The following ZNF8 variants were observed in gnomAD, a reference collection of about 807,000 sequenced individuals.
ZNF8 encodes zinc finger protein 8.
A neutral mutation model predicts 12.2 loss-of-function variants in ZNF8; 9 were observed. That is an observed-to-expected ratio of 0.73 (90% confidence interval 0.44 to 1.28). The LOEUF (loss-of-function observed/expected upper bound fraction) is 1.28, where lower values mean the gene tolerates loss of function less well. ZNF8 is among the 50% of genes most tolerant of loss of function. The pLI, the probability that ZNF8 is intolerant of heterozygous loss-of-function variation, is 0.00. For missense variants in ZNF8, 664 were observed against 729.1 expected (o/e 0.91, Z 1.03); for synonymous variants, 274 against 282.3 (o/e 0.97, Z 0.30).
At position 58,294,983 on chromosome 19, in the gene ZNF8, C is replaced by T. The variant is rs2051443944; in HGVS notation, c.1175C>T (p.Thr392Ile). The change falls in exon 4 of 4, where the codon ACC becomes ATC. Residue 392 changes from threonine (T) to isoleucine (I), a missense_variant. Transcript: ENST00000621650. The surrounding 1 kb of genome is among the most constrained non-coding windows in gnomAD (Gnocchi z 5.5). ...TCLFLHLRTH[T>I]EERPYECNHC... ...CTTTTCCTGCACCTGAGAACTCACA[C>T]CGAGGAGAGGCCCTACGAGTGTAAC... 1.2e-6 allele frequency: 2 copies of T among 1,614,098 alleles called. No individual in the cohort carries two copies. The highest frequency in any genetic ancestry group is 1.7e-6 in the Non-Finnish European group (2 of 1,179,964).
intron 3 of ZNF8, among the ~76,000 whole-genome samples, chr19:58,291,217 ACCT>A (rs374966895): frequency 2.4e-4 from 36 of 151,940 alleles, no homozygotes; most frequent in East Asian, 2.1e-3. Flanking sequence ...GCTGCAGGTC[ACCT>A]CCTGGCTGAC....
In ZNF8 at chr19:58,295,174, C is replaced by A. The variant is rs1002291571; in HGVS notation, c.1366C>A (p.Gln456Lys). 2 of 1,613,924 alleles carry A rather than the reference C, an allele frequency of 1.2e-6. No individual in the cohort carries two copies. Among genetic ancestry groups the A allele is most frequent in the African/African-American group, 2.7e-5 (2 of 74,930 alleles). The change falls in exon 4 of 4, where the codon CAA (glutamine) becomes AAA (lysine). Residue 456 changes from glutamine (Q) to lysine (K), a missense_variant. Transcript: ENST00000621650. Reference protein sequence around the residue: ...EALGCDPPLSQDERTHRSDRP... With the variant: ...EALGCDPPLSKDERTHRSDRP... ...CCTGGGCTGTGACCCACCTTTGAGT[C>A]AAGATGAGAGGACTCACCGAAGCGA...
chr19:58,283,114 A>T (rs2051360962), intron 1 of ZNF8, among the ~76,000 whole-genome samples: 1 of 151,460 alleles, frequency 6.6e-6, no homozygotes, highest in South Asian at 2.1e-4. Flanking sequence ...AGTAGCTGGG[A>T]CTACAGGCAG....
At chr19:58,285,020 A>T (rs2051374143) in intron 1 of ZNF8, among the ~76,000 whole-genome samples, 1 of 152,096 alleles carries the variant, frequency 6.6e-6, no homozygotes, top group African/African-American at 2.4e-5. Flanking sequence ...CCCACCACTC[A>T]TAGGTAAGTG....
In ZNF8 at chr19:58,294,862, C is replaced by A; in HGVS notation, c.1054C>A (p.Gln352Lys). Residue 352 changes from glutamine to lysine, a missense_variant, in exon 4 of 4, where the codon CAG becomes AAG. By Grantham distance (53) the Gln-to-Lys change is moderately conservative. This residue lies in a region of ZNF8 where 133 missense variants were observed against 198.4 expected (regional missense o/e 0.67). Coordinates refer to ENST00000621650, the MANE Select transcript of ZNF8 (RefSeq NM_021089.3). This position sits in a 1 kb window ranked among gnomAD's most constrained non-coding sequence, Gnocchi z 5.5. ...ECQDCGRAFN[Q>K]NSSLGRHKRT... is the part of the protein sequence containing the mutation. ...TCAGGACTGTGGGAGGGCCTTCAAC[C>A]AGAACTCCTCCCTGGGGCGGCACAA... The A allele has an allele frequency of 6.2e-7, 1 of 1,614,112 alleles. No individual in the cohort carries two copies. Among genetic ancestry groups the A allele is most frequent in the Non-Finnish European group, 8.5e-7 (1 of 1,180,032 alleles).
chr19:58,291,373 CCTCAGTG>C (rs2051418634), intron 3 of ZNF8, among the ~76,000 whole-genome samples: 1 of 152,220 alleles, frequency 6.6e-6, no homozygotes. Context: ...CCTGTCTCAA[CCTCAGTG>C]CTCTTTGCTG....
intron 1 of ZNF8, 36 bp downstream of exon 1, chr19:58,279,183 CG>C: frequency 6.5e-7 from 1 of 1,544,362 alleles, no homozygotes; most frequent in Non-Finnish European, 8.7e-7. Context: ...CGGCGGGCTC[CG>C]GGCAAGCGTC....
At position 58,299,404 on chromosome 19, in the gene ZNF8, G is replaced by A. The variant is rs143314212; in HGVS notation, c.*3868G>A. The A allele has an allele frequency of 0.032, 4,745 of 148,806 alleles. 216 individuals are homozygous for A. Among genetic ancestry groups the A allele is most frequent in the East Asian group, 0.27 (1,292 of 4,726 alleles). 9.2% of individuals were successfully genotyped at this position (148,806 alleles called of 1,614,324 possible). A position where few individuals can be genotyped will look rare whatever the true frequency, so the allele number is the denominator to read the frequency against. On this transcript the variant is annotated 3_prime_UTR_variant, in exon 4 of 4. Coordinates refer to ENST00000621650, the MANE Select transcript of ZNF8 (RefSeq NM_021089.3). ...TGGGGTTACAGGAGTGAGCCACCGC[G>A]CCTGGCCCCAAAACAGCAATTTGAA...
At position 58,301,429 on chromosome 19, in the gene ZNF8, T is replaced by A. The variant is rs572666790; in HGVS notation, c.*5893T>A. 1 of 152,284 alleles carries A rather than the reference T, an allele frequency of 6.6e-6. No homozygotes were observed. The highest frequency in any genetic ancestry group is 2.1e-4 in the South Asian group (1 of 4,822). 9.4% of individuals were successfully genotyped at this position (152,284 alleles called of 1,614,324 possible). On this transcript the variant is annotated 3_prime_UTR_variant, in exon 4 of 4. Transcript: ENST00000621650. ...GTGCTACCAAGTGGCCCAGCCAGAG[T>A]GTGAACCAAACAGTCTGGTACCAAA...
In ZNF8 at chr19:58,295,467, G is replaced by C; in HGVS notation, c.1659G>C (p.Val553=). ...AAATCATGCAAGAGAAAAACCCTGT[G>C]CACGTTATTGGGGTGGAAGAGCCTT... ...IQKIMQEKNP[V]HVIGVEEPSV... is the part of the protein sequence containing the mutation. The change falls in exon 4 of 4, where the codon GTG becomes GTC. Residue 553 remains valine (V), a synonymous_variant. Transcript: ENST00000621650. 1 of 1,613,476 alleles carries C rather than the reference G, an allele frequency of 6.2e-7. No homozygotes were observed. The highest frequency in any genetic ancestry group is 8.5e-7 in the Non-Finnish European group (1 of 1,179,988).
chr19:58,284,580 G>A (rs564336414), intron 1 of ZNF8, among the ~76,000 whole-genome samples: 8 of 152,220 alleles, frequency 5.3e-5, no homozygotes, highest in South Asian at 4.1e-4. Flanking sequence ...CAGGCGCGGC[G>A]GCTCCCGCCT....
chr19:58,286,354 G>A lies in ZNF8; in HGVS notation c.289+149G>A, dbSNP rs2051383571. 3 of 630,104 alleles carry A rather than the reference G, an allele frequency of 4.8e-6. No homozygotes were observed. In the African/African-American group the frequency reaches 5.5e-5, roughly 12 times the overall value. The allele number at this position is 630,104 out of a possible 1,614,324, so 39.0% of individuals were successfully genotyped here. ...GACTCAGCATAGAGTCATGCTGACA[G>A]CTCTCAGTATAATGAGACCAACAAA... is the stretch of plus-strand genomic sequence containing the variant. On this transcript the variant is annotated intron_variant, in intron 3 of 3. Transcript: ENST00000621650.
At chr19:58,282,568 G>A (rs980882387) in intron 1 of ZNF8, among the ~76,000 whole-genome samples, 2 of 152,106 alleles carry the variant, frequency 1.3e-5, no homozygotes, top group African/African-American at 4.8e-5. Context: ...AGGTTACAAA[G>A]ATTTATCTCT....
intron 3 of ZNF8, among the ~76,000 whole-genome samples, chr19:58,288,781 C>T (rs981055082): frequency 1.3e-5 from 2 of 152,160 alleles, no homozygotes; most frequent in African/African-American, 4.8e-5. Flanking sequence ...AACACATATG[C>T]CCCCATGATA....
At chr19:58,289,112 G>A (rs1033961369) in intron 3 of ZNF8, among the ~76,000 whole-genome samples, 1 of 152,154 alleles carries the variant, frequency 6.6e-6, no homozygotes, top group African/African-American at 2.4e-5. Context: ...AAGGCTTTAT[G>A]TTAAGACAGA....
At position 58,295,153 on chromosome 19, in the gene ZNF8, G is replaced by A; in HGVS notation, c.1345G>A (p.Gly449Ser). The change falls in exon 4 of 4, where the codon GGC becomes AGC. Residue 449 changes from glycine to serine, a missense_variant. Gly to Ser is a moderately conservative substitution (Grantham distance 56, BLOSUM62 0). Transcript: ENST00000621650. ...AAAGCATGAATGGACAGAAGCCCTG[G>A]GCTGTGACCCACCTTTGAGTCAAGA... ...LTKHEWTEAL[G>S]CDPPLSQDER... 1 of 1,614,006 alleles carries A rather than the reference G, an allele frequency of 6.2e-7. No homozygotes were observed.
At chr19:58,282,752 C>T (rs998034330) in intron 1 of ZNF8, among the ~76,000 whole-genome samples, 2 of 151,994 alleles carry the variant, frequency 1.3e-5, no homozygotes, top group Non-Finnish European at 2.9e-5. Context: ...CTCAGCCTCC[C>T]AAGTAGCTGG....
chr19:58,279,315 G>C, intron 1 of ZNF8, 168 bp downstream of exon 1: 2 of 1,492,828 alleles, frequency 1.3e-6, no homozygotes, highest in Non-Finnish European at 1.8e-6. Context: ...TGGCTGGTCA[G>C]AGAGGGGGCC....
chr19:58,286,265 C>T (rs924590287), intron 3 of ZNF8, 60 bp downstream of exon 3: 4 of 1,469,186 alleles, frequency 2.7e-6, no homozygotes, highest in Non-Finnish European at 3.8e-6. Context: ...ACTGGAGATG[C>T]ACTTCATGGA....
Sources: allele counts gnomAD v4.1 joint callset (sites outside exome capture counted in the v4.1 genomes callset), GRCh38; gene constraint gnomAD v4.1.1; regional missense constraint gnomAD v4.1.1; non-coding constraint Gnocchi (gnomAD v3.1); transcripts MANE v1.5; gene names NCBI Gene and HGNC (gene_info 2026-07-23, HGNC 2026-07-21).